The following NOTCH1 variants were observed in gnomAD, a reference collection of about 807,000 sequenced individuals.
The protein encoded by NOTCH1 is notch receptor 1, also known as neurogenic locus notch homolog protein 1.
NOTCH1 carries 37 observed loss-of-function variants against 254.8 expected under a neutral mutation model. That is an observed-to-expected ratio of 0.15 (90% confidence interval 0.11 to 0.19). The LOEUF is 0.19. NOTCH1 is among the 10% of genes least tolerant of loss of function. NOTCH1 has a pLI of 1.00. For synonymous variants in NOTCH1, 1,731 were observed against 1,618.1 expected, an observed-to-expected ratio of 1.07 and a Z score of -1.68; for missense variants, 2,972 against 3,708.6, an observed-to-expected ratio of 0.80 and a Z score of 5.16.
intron 18 of NOTCH1, 111 bp from the exon 19 acceptor site, chr9:136,509,182 T>G: frequency 2.7e-6 from 3 of 1,117,628 alleles, no homozygotes; most frequent in Non-Finnish European, 3.9e-6. Flanking sequence ...AGGGGCCTGA[T>G]GGCCAGGACA....
chr9:136,542,878 G>A (rs577277155), intron 2 of NOTCH1: 5 of 152,400 alleles, frequency 3.3e-5, no homozygotes, highest in African/African-American at 9.6e-5. Flanking sequence ...CATCAGGGAT[G>A]GACTCAAGTT....
chr9:136,496,515 C>T lies in NOTCH1; in HGVS notation c.7224G>A (p.Leu2408=), dbSNP rs761927126. Reference sequence around the variant, plus strand: ...GCTGTGGTGGTGGTGGTGGCGGCTGCAGGCTTTGCTGCTGCTGGATGTTTG... The same window carrying T: ...GCTGTGGTGGTGGTGGTGGCGGCTGTAGGCTTTGCTGCTGCTGGATGTTTG... ...QPANIQQQQS[L]QPPPPPPQPH... The change falls in exon 34 of 34, where the codon CTG becomes CTA. Residue 2408 remains leucine, a synonymous_variant. Coordinates refer to ENST00000651671, the MANE Select transcript of NOTCH1 (RefSeq NM_017617.5). 6 of 1,604,196 alleles carry T rather than the reference C, an allele frequency of 3.7e-6. No homozygotes were observed. Among genetic ancestry groups the T allele is most frequent in the Non-Finnish European group, 5.1e-6 (6 of 1,179,926 alleles).
At chr9:136,503,126 G>A (rs768633740) in intron 27 of NOTCH1, 56 bp downstream of exon 27, 11 of 1,604,362 alleles carry the variant, frequency 6.9e-6, no homozygotes, top group Admixed American at 5.0e-5. Context: ...TCTGGGGCAC[G>A]GGGGGATGGC....
At chr9:136,536,831 C>T (rs544224635) in intron 2 of NOTCH1, among the ~76,000 whole-genome samples, 14 of 152,380 alleles carry the variant, frequency 9.2e-5, no homozygotes, top group African/African-American at 3.4e-4. Context: ...CTGCATCTGC[C>T]GTGCCCACCC....
At chr9:136,511,405 C>G (rs1177002669) in intron 15 of NOTCH1, 134 bp from the exon 16 acceptor site, 1 of 1,149,522 alleles carries the variant, frequency 8.7e-7, no homozygotes, top group African/African-American at 1.5e-5. Context: ...TGCACCGAGA[C>G]CCCTGAGCGC....
intron 1 of NOTCH1, among the ~76,000 whole-genome samples, chr9:136,544,839 G>A (rs1461221057): frequency 1.3e-5 from 2 of 152,044 alleles, no homozygotes; most frequent in Non-Finnish European, 2.9e-5. Flanking sequence ...GAAGGAATTC[G>A]ACCCCATCTC....
At chr9:136,503,117 C>G (rs769619778) in intron 27 of NOTCH1, 65 bp downstream of exon 27, 6 of 1,607,600 alleles carry the variant, frequency 3.7e-6, no homozygotes, top group East Asian at 2.2e-5. Flanking sequence ...GCCAGCGTGT[C>G]TGGGGCACGG....
At chr9:136,532,022 C>A (rs957842965) in intron 2 of NOTCH1, among the ~76,000 whole-genome samples, 3 of 152,254 alleles carry the variant, frequency 2.0e-5, no homozygotes, top group Admixed American at 6.5e-5. Context: ...GCCCCTGGCA[C>A]CCCCTCAGAG....
rs1843218338 is a variant in NOTCH1 at position 136,513,639 on chromosome 9, C to T, written c.2208-102G>A. 1.5e-6 allele frequency: 2 copies of T among 1,359,540 alleles called. No individual in the cohort carries two copies. The highest frequency in any genetic ancestry group is 2.1e-4 in the Middle Eastern group (1 of 4,864). 84.2% of individuals were successfully genotyped at this position (1,359,540 alleles called of 1,614,324 possible). The stretch of plus-strand genomic sequence containing the variant: ...ATGCCCTATGGGCTGGCGGAGGTGC[C>T]CATCCACTCAGACTCGCAGAGTCCT... On this transcript the variant is annotated intron_variant, in intron 13 of 33. Transcript: ENST00000651671. This position sits in a 1 kb window ranked among gnomAD's most constrained non-coding sequence, Gnocchi z 4.7.
At position 136,504,980 on chromosome 9, in the gene NOTCH1, C is replaced by A; in HGVS notation, c.4711G>T (p.Ala1571Ser). 6.3e-7 allele frequency: 1 copy of A among 1,591,612 alleles called. No individual in the cohort carries two copies. The highest frequency in any genetic ancestry group is 8.5e-7 in the Non-Finnish European group (1 of 1,171,034). Residue 1571 changes from alanine to serine, a missense_variant, in exon 26 of 34, where the codon GCC becomes TCC. Ala to Ser is a moderately conservative substitution (Grantham distance 99). Coordinates refer to ENST00000651671, the MANE Select transcript of NOTCH1 (RefSeq NM_017617.5). ...CAEHVPERLA[A>S]GTLVVVVLMP... is the part of the protein sequence containing the mutation. ...AGCACCACCACCACCAGCGTGCCGG[C>A]CGCCAGCCTCTCGGGTACATGCTCC...
In NOTCH1 at chr9:136,496,231, T is replaced by G. The variant is rs2133314452; in HGVS notation, c.7508A>C (p.Gln2503Pro). The G allele has an allele frequency of 6.2e-7, 1 of 1,606,508 alleles. No individual in the cohort carries two copies. The highest frequency in any genetic ancestry group is 8.5e-7 in the Non-Finnish European group (1 of 1,176,424). The change falls in exon 34 of 34, where the codon CAG becomes CCG. Residue 2503 changes from glutamine to proline, a missense_variant. Physicochemically the swap from Gln to Pro is moderately conservative, Grantham distance 76 (BLOSUM62 -1). Transcript: ENST00000651671. ...GGTGAGGAAGGGGTGCTCAGGCACCTGTAGCTGGTGGCTGGGGGTGTTGTC... is the reference window on the plus strand; with the variant it reads ...GGTGAGGAAGGGGTGCTCAGGCACCGGTAGCTGGTGGCTGGGGGTGTTGTC... ...PVDNTPSHQL[Q>P]VPEHPFLTPS... is the part of the protein sequence containing the mutation.
chr9:136,531,093 G>A (rs186346643), intron 2 of NOTCH1, among the ~76,000 whole-genome samples: 137 of 152,322 alleles, frequency 9.0e-4, no homozygotes, highest in African/African-American at 3.0e-3. Flanking sequence ...CATGTCCAGC[G>A]TCCTTGTTAA....
rs909885095 is a variant in NOTCH1, at chr9:136,545,263, A to T, written c.61+463T>A. On this transcript the variant is annotated intron_variant, in intron 1 of 33. Coordinates refer to ENST00000651671, the MANE Select transcript of NOTCH1 (RefSeq NM_017617.5). The surrounding 1 kb of genome is among the most constrained non-coding windows in gnomAD (Gnocchi z 6.8). ...AGTGAAGGCGAACGCGGCGCCGCAG[A>T]GCCCACACTCCGCGCCCCAACATCC... Among the ~76,000 whole-genome samples the T allele has an allele frequency of 6.6e-6, 1 of 150,886 alleles. No individual in the cohort carries two copies. The highest frequency in any genetic ancestry group is 1.5e-5 in the Non-Finnish European group (1 of 67,748).
chr9:136,536,026 G>C (rs1034407360), intron 2 of NOTCH1, among the ~76,000 whole-genome samples: 1 of 151,850 alleles, frequency 6.6e-6, no homozygotes, highest in Non-Finnish European at 1.5e-5. Context: ...CAGGAGCAAC[G>C]GGTACAGGGT....
chr9:136,538,610 T>C (rs921896320), intron 2 of NOTCH1, among the ~76,000 whole-genome samples: 2 of 152,246 alleles, frequency 1.3e-5, no homozygotes, highest in Non-Finnish European at 2.9e-5. Context: ...GCTGCTGGTA[T>C]TTCCTCCTCA....
rs761829491 is a variant in NOTCH1, at chr9:136,494,808, A to G, written c.*1263T>C. The stretch of plus-strand genomic sequence containing the variant: ...TTTTTTAAACAAAATCCACCTTTAA[A>G]AACATATTTACAGACATTTTTTCTG... On this transcript the variant is annotated 3_prime_UTR_variant, in exon 34 of 34. Transcript: ENST00000651671. 165 of 398,606 alleles carry G rather than the reference A, an allele frequency of 4.1e-4. No individual in the cohort carries two copies. Among genetic ancestry groups the G allele is most frequent in the Non-Finnish European group, 6.3e-4 (142 of 226,030 alleles). The allele number at this position is 398,606 out of a possible 1,614,324, so 24.7% of individuals were successfully genotyped here.
intron 10 of NOTCH1, 99 bp downstream of exon 10, chr9:136,515,882 G>A: frequency 1.7e-6 from 2 of 1,177,430 alleles, no homozygotes; most frequent in Non-Finnish European, 2.4e-6. Context: ...TCTGGACCAG[G>A]TGGCCCAGAC....
In NOTCH1 at chr9:136,543,763, C is replaced by G; in HGVS notation, c.140+261G>C. The G allele has an allele frequency of 6.7e-6, 4 of 595,458 alleles. No homozygotes were observed. The South Asian group carries it at 7.8e-5, about 12-fold the overall frequency. 36.9% of individuals were successfully genotyped at this position (595,458 alleles called of 1,614,324 possible). On this transcript the variant is annotated intron_variant, in intron 2 of 33. Transcript: ENST00000651671. ...AAGAAGAATTGGGGTACTGGGACTC[C>G]CACTTAGTGACCCCGGAGCCTGAGG...
At chr9:136,528,349 A>G (rs1843501556) in intron 2 of NOTCH1, among the ~76,000 whole-genome samples, 1 of 36,604 alleles carries the variant, frequency 2.7e-5, no homozygotes, top group Admixed American at 3.7e-4. Flanking sequence ...CCATGGCTCC[A>G]CCAGGTGACA....
Sources: gnomAD v4.1 joint callset for allele counts (sites outside exome capture counted in the v4.1 genomes callset) on GRCh38, gnomAD v4.1.1 for gene constraint, Gnocchi (gnomAD v3.1) non-coding constraint, MANE v1.5 for transcripts, NCBI Gene and HGNC (gene_info 2026-07-23, HGNC 2026-07-21) for gene names.